The following TM9SF3 variants were observed in gnomAD, a reference collection of about 807,000 sequenced individuals.
TM9SF3 encodes SM-11044-binding protein.
In TM9SF3, 14 loss-of-function variants were observed where a neutral mutation model predicts 78.6. The observed-to-expected ratio is 0.18, with a 90% CI of 0.12 to 0.28. The LOEUF (loss-of-function observed/expected upper bound fraction) is 0.28, where lower values mean the gene tolerates loss of function less well. TM9SF3 is among the 10% of genes least tolerant of loss of function. TM9SF3 has a pLI of 1.00. For synonymous variants in TM9SF3, 231 were observed against 241.7 expected (o/e 0.96, Z 0.41); for missense variants, 496 against 721.9 (o/e 0.69, Z 3.59).
chr10:96,553,146 C>T (rs1298271846), intron 5 of TM9SF3, 87 bp from the exon 6 acceptor site: 1 of 1,282,864 alleles, frequency 7.8e-7, no homozygotes, highest in South Asian at 1.9e-5. Flanking sequence ...GATGTTAATG[C>T]AAAGAAAAAA....
chr10:96,539,245 T>G (rs1589449595), intron 9 of TM9SF3, among the ~76,000 whole-genome samples: 3 of 152,016 alleles, frequency 2.0e-5, no homozygotes, highest in African/African-American at 7.3e-5. Context: ...CCAAGATGGG[T>G]GGATCACCTG....
At chr10:96,555,730 T>C (rs12766248) in intron 5 of TM9SF3, among the ~76,000 whole-genome samples, 26,985 of 152,160 alleles carry the variant, frequency 0.18, 2,668 homozygotes, top group Admixed American at 0.3. Context: ...TGCATTGTTT[T>C]TTGAAATGTT....
intron 1 of TM9SF3, among the ~76,000 whole-genome samples, chr10:96,579,302 A>G (rs1380868434): frequency 2.0e-5 from 3 of 152,234 alleles, no homozygotes; most frequent in Non-Finnish European, 4.4e-5. Flanking sequence ...GAGACGACCT[A>G]TTAAAGAGCA....
intron 1 of TM9SF3, among the ~76,000 whole-genome samples, chr10:96,584,982 G>A (rs1263910865): frequency 6.6e-6 from 1 of 152,044 alleles, no homozygotes; most frequent in Non-Finnish European, 1.5e-5. Context: ...TATCTTATAT[G>A]CAATTACTAG....
chr10:96,581,421 C>T (rs559456317), intron 1 of TM9SF3, among the ~76,000 whole-genome samples: 16 of 152,240 alleles, frequency 1.1e-4, no homozygotes, highest in African/African-American at 3.1e-4. Context: ...GTGTTTACTT[C>T]AAAATAATGT....
In TM9SF3 at chr10:96,558,041, G is replaced by A. The variant is rs148622259; in HGVS notation, c.660+1618C>T. On this transcript the variant is annotated intron_variant, in intron 5 of 14. Coordinates refer to ENST00000371142, the MANE Select transcript of TM9SF3 (RefSeq NM_020123.4). ...CAGATAGCAGGTGCTCAATTAATAT[G>A]TGTTGAAGTAATAAATACAGTATAC... Among the ~76,000 whole-genome samples, 102 of 152,140 alleles carry A rather than the reference G, an allele frequency of 6.7e-4. 2 individuals are homozygous for A. In the East Asian group the frequency reaches 0.016, roughly 24 times the overall value.
rs532395166 is a variant in TM9SF3, at chr10:96,535,474, C to T, written c.1186-2284G>A. 3.9e-5 allele frequency among the ~76,000 whole-genome samples: 6 copies of T among 152,302 alleles called. No homozygotes were observed. In the South Asian group the frequency reaches 1.2e-3, roughly 32 times the overall value. On this transcript the variant is annotated intron_variant, in intron 9 of 14. Coordinates refer to ENST00000371142, the MANE Select transcript of TM9SF3 (RefSeq NM_020123.4). ...ATTTGTATTCATCACAACTTTATTG[C>T]TCTTATTAAATTCAGTGTTAAAAAT...
chr10:96,521,098 C>T lies in TM9SF3; in HGVS notation c.*1165G>A, dbSNP rs1564925605. 2.6e-6 allele frequency: 1 copy of T among 384,742 alleles called. No individual in the cohort carries two copies. The highest frequency in any genetic ancestry group is 2.1e-5 in the African/African-American group (1 of 48,134). The allele number at this position is 384,742 out of a possible 1,614,324, so 23.8% of individuals were successfully genotyped here. A position where few individuals can be genotyped will look rare whatever the true frequency, so the allele number is the denominator to read the frequency against. On this transcript the variant is annotated 3_prime_UTR_variant, in exon 15 of 15. Coordinates refer to ENST00000371142, the MANE Select transcript of TM9SF3 (RefSeq NM_020123.4). ...TGTCTCTAAATTACAAATTTGGCTC[C>T]TGTAGGAGTCTCAGAAAATAAACAG...
chr10:96,574,797 A>G (rs1410817905), intron 2 of TM9SF3, among the ~76,000 whole-genome samples: 1 of 152,220 alleles, frequency 6.6e-6, no homozygotes, highest in Non-Finnish European at 1.5e-5. Flanking sequence ...GCTGGAAACC[A>G]TCATTCTCAG....
intron 3 of TM9SF3, among the ~76,000 whole-genome samples, chr10:96,563,342 C>A (rs1022030584): frequency 5.9e-5 from 9 of 152,142 alleles, no homozygotes; most frequent in Non-Finnish European, 1.3e-4. Flanking sequence ...CAGGCGTGAG[C>A]CACCACACTA....
intron 9 of TM9SF3, among the ~76,000 whole-genome samples, chr10:96,536,998 G>A (rs1847967725): frequency 6.6e-6 from 1 of 152,100 alleles, no homozygotes; most frequent in African/African-American, 2.4e-5. Flanking sequence ...CTTTTCCCTA[G>A]CTTACTTTAT....
intron 1 of TM9SF3, among the ~76,000 whole-genome samples, chr10:96,581,974 G>A (rs942741722): frequency 1.3e-5 from 2 of 152,092 alleles, no homozygotes; most frequent in African/African-American, 2.4e-5. Context: ...AAGGAATAAC[G>A]GCCTCAGTTT....
intron 5 of TM9SF3, 128 bp downstream of exon 5, chr10:96,559,531 A>T: frequency 1.8e-6 from 1 of 568,878 alleles, no homozygotes; most frequent in Non-Finnish European, 2.8e-6. Context: ...CTCATACTTT[A>T]AATCACCATT....
chr10:96,571,158 T>A (rs1359563408), intron 2 of TM9SF3, among the ~76,000 whole-genome samples: 3 of 152,118 alleles, frequency 2.0e-5, no homozygotes, highest in Non-Finnish European at 2.9e-5. Flanking sequence ...AGGGAACTGG[T>A]GTCACAGAAC....
intron 2 of TM9SF3, among the ~76,000 whole-genome samples, chr10:96,574,122 C>A (rs1034953969): frequency 2.0e-5 from 3 of 152,188 alleles, no homozygotes; most frequent in Non-Finnish European, 2.9e-5. Context: ...AAACTACCAT[C>A]AAAGTGAACA....
chr10:96,570,767 T>A (rs74600659), intron 2 of TM9SF3, among the ~76,000 whole-genome samples: 2,763 of 152,158 alleles, frequency 0.018, 78 homozygotes, highest in African/African-American at 0.061. Flanking sequence ...AAAATTGAGA[T>A]GGAGTTTTGC....
chr10:96,576,030 G>A (rs1848492977), intron 2 of TM9SF3, among the ~76,000 whole-genome samples: 5 of 152,026 alleles, frequency 3.3e-5, no homozygotes, highest in Admixed American at 3.3e-4. Context: ...TATCCTATAG[G>A]TATTAACAGG....
At chr10:96,556,746 C>G (rs1342059732) in intron 5 of TM9SF3, among the ~76,000 whole-genome samples, 1 of 152,122 alleles carries the variant, frequency 6.6e-6, no homozygotes, top group South Asian at 2.1e-4. Context: ...AAGCTCCTCA[C>G]AAGTCCATAA....
intron 8 of TM9SF3, among the ~76,000 whole-genome samples, chr10:96,545,470 A>G (rs1306699947): frequency 6.6e-6 from 1 of 152,242 alleles, no homozygotes; most frequent in Non-Finnish European, 1.5e-5. Flanking sequence ...TCTAACTGAT[A>G]GCCAGCATTG....
Sources: gnomAD v4.1 joint callset for allele counts (sites outside exome capture counted in the v4.1 genomes callset) on GRCh38, gnomAD v4.1.1 for gene constraint, MANE v1.5 for transcripts, NCBI Gene and HGNC (gene_info 2026-07-23, HGNC 2026-07-21) for gene names.